Variants in ETS1 observed in about 807,000 individuals in gnomAD.
ETS1 encodes protein C-ets-1.
In ETS1, 15 loss-of-function variants were observed where a neutral mutation model predicts 58.6. That is an observed-to-expected ratio of 0.26 (90% CI 0.17 to 0.39). ETS1 has a LOEUF of 0.39. Ranked by LOEUF, ETS1 falls within the 10% of genes least tolerant of loss-of-function variation. The pLI, the probability that ETS1 is intolerant of heterozygous loss-of-function variation, is 1.00. For missense variants in ETS1, 417 were observed against 610.5 expected, an observed-to-expected ratio of 0.68 and a Z score of 3.34; for synonymous variants, 214 against 218.2, an observed-to-expected ratio of 0.98 and a Z score of 0.17.
chr11:128,493,752 G>T (rs555527349), intron 3 of ETS1, among the ~76,000 whole-genome samples: 21 of 152,306 alleles, frequency 1.4e-4, no homozygotes, highest in African/African-American at 5.1e-4. Context: ...GTGAACAGTT[G>T]GCAAAGATTG....
rs377283471 is a variant in ETS1 at position 128,512,264 on chromosome 11, C to T, written c.215-21688G>A. Among the ~76,000 whole-genome samples, 107 of 152,136 alleles carry T rather than the reference C, an allele frequency of 7.0e-4. 1 individual carries two copies. The South Asian group carries it at 0.016, about 22-fold the overall frequency. ...AATGAGGATACTGGCACAAAGTTTG[C>T]GCCCAATAACTATCAGAAAATAAAC... On this transcript the variant is annotated intron_variant, in intron 3 of 9. Transcript: ENST00000392668.
At chr11:128,506,390 G>A (rs564198987) in intron 3 of ETS1, among the ~76,000 whole-genome samples, 4 of 152,328 alleles carry the variant, frequency 2.6e-5, no homozygotes, top group African/African-American at 9.6e-5. Flanking sequence ...CTCAGGCAGA[G>A]TTTCCCTCTA....
intron 3 of ETS1, among the ~76,000 whole-genome samples, chr11:128,543,584 T>C (rs527924114): frequency 3.3e-5 from 5 of 152,306 alleles, no homozygotes; most frequent in Non-Finnish European, 5.9e-5. Flanking sequence ...TGCCTCCTTT[T>C]TGTCTCTCTC....
At chr11:128,484,698 A>G (rs1196412818) in intron 7 of ETS1, 125 bp downstream of exon 7, 2 of 827,130 alleles carry the variant, frequency 2.4e-6, no homozygotes, top group Admixed American at 5.3e-5. Context: ...CTAAGATGGG[A>G]AGGCTGAAAC....
intron 3 of ETS1, among the ~76,000 whole-genome samples, chr11:128,502,000 T>TG (rs1385950623): frequency 6.7e-6 from 1 of 149,668 alleles, no homozygotes; most frequent in African/African-American, 2.5e-5. Context: ...AGAAAGGGGG[T>TG]GGGGTGGAGA....
chr11:128,527,361 AGCAGTTTAGACACGTATTCCTCTT>A (rs1225032546), intron 3 of ETS1: 2 of 173,552 alleles, frequency 1.2e-5, no homozygotes, highest in Admixed American at 1.1e-4. Context: ...TTTAAAATCC[AGCAGTTTAGACACGTATTCCTCTT>A]GCAGCAAATC....
intron 7 of ETS1, among the ~76,000 whole-genome samples, chr11:128,481,239 G>C (rs988829917): frequency 2.6e-5 from 4 of 152,092 alleles, no homozygotes; most frequent in African/African-American, 9.7e-5. Flanking sequence ...GTTTATTAAA[G>C]AGTTAAGGTC....
intron 1 of ETS1, among the ~76,000 whole-genome samples, 192 bp from the exon 2 acceptor site, chr11:128,573,336 C>T (rs1167399877): frequency 6.6e-6 from 1 of 152,192 alleles, no homozygotes; most frequent in Non-Finnish European, 1.5e-5. Flanking sequence ...TAAGAGCAGA[C>T]CTCAGACAGA....
intron 2 of ETS1, among the ~76,000 whole-genome samples, chr11:128,566,710 G>C (rs1591667539): frequency 6.6e-6 from 1 of 152,098 alleles, no homozygotes; most frequent in Middle Eastern, 3.4e-3. Context: ...GTGAATCTGG[G>C]GGGCAGAGCC....
At chr11:128,471,995 G>A (rs1862200150) in intron 8 of ETS1, among the ~76,000 whole-genome samples, 2 of 152,172 alleles carry the variant, frequency 1.3e-5, no homozygotes, top group Admixed American at 6.5e-5. Context: ...TTTGCACACC[G>A]AATTTTGTAA....
intron 3 of ETS1, among the ~76,000 whole-genome samples, chr11:128,502,870 C>T (rs1401930623): frequency 1.3e-5 from 2 of 152,176 alleles, no homozygotes; most frequent in African/African-American, 2.4e-5. Context: ...AGGCCGTGAG[C>T]CCCTGCAGGC....
intron 2 of ETS1, among the ~76,000 whole-genome samples, chr11:128,565,898 G>T (rs1235472229): frequency 6.6e-6 from 1 of 152,192 alleles, no homozygotes; most frequent in Non-Finnish European, 1.5e-5. Context: ...GAAGTGCAGG[G>T]ACAGCAGAGT....
intron 3 of ETS1, among the ~76,000 whole-genome samples, chr11:128,546,121 A>T (rs1040030351): frequency 6.6e-6 from 1 of 152,248 alleles, no homozygotes; most frequent in African/African-American, 2.4e-5. Context: ...TATTGACCAA[A>T]GATGAAAATG....
intron 3 of ETS1, among the ~76,000 whole-genome samples, chr11:128,493,491 G>T (rs1007877478): frequency 6.6e-6 from 1 of 152,210 alleles, no homozygotes; most frequent in Non-Finnish European, 1.5e-5. Context: ...CATCAGAGGT[G>T]CCTGGCTCTG....
At position 128,496,631 on chromosome 11, in the gene ETS1, T is replaced by C. The variant is rs11221330; in HGVS notation, c.215-6055A>G. Among the ~76,000 whole-genome samples, 718 of 152,268 alleles carry C rather than the reference T, an allele frequency of 4.7e-3. 4 individuals carry two copies. The highest frequency in any genetic ancestry group is 0.016 in the African/African-American group (674 of 41,540). On this transcript the variant is annotated intron_variant, in intron 3 of 9. Coordinates refer to ENST00000392668, the MANE Select transcript of ETS1 (RefSeq NM_001143820.2). The stretch of plus-strand genomic sequence containing the variant: ...TCACTGGTCTACAAGAGGATTCTCC[T>C]GATAAAAAAGCTAATGATCTCAGAA...
At chr11:128,534,097 T>C (rs1458201478) in intron 3 of ETS1, among the ~76,000 whole-genome samples, 1 of 152,228 alleles carries the variant, frequency 6.6e-6, no homozygotes, top group African/African-American at 2.4e-5. Context: ...CATGCACACA[T>C]GTTTACACAT....
chr11:128,485,220 C>T (rs568709759), intron 6 of ETS1, 149 bp from the exon 7 acceptor site: 2 of 650,594 alleles, frequency 3.1e-6, no homozygotes, highest in East Asian at 2.8e-5. Context: ...CATTTTTAAC[C>T]TTGTCCACTA....
At chr11:128,580,230 G>A (rs1864838947) in intron 1 of ETS1, among the ~76,000 whole-genome samples, 1 of 146,280 alleles carries the variant, frequency 6.8e-6, no homozygotes, top group African/African-American at 2.5e-5. Context: ...GTCCTTGTGT[G>A]ACCCTGAGGT....
In ETS1 at chr11:128,464,142, CAAGGA is replaced by C. The variant is rs1861971891; in HGVS notation, c.1124-520_1124-516del. On this transcript the variant is annotated intron_variant, in intron 8 of 9. Transcript: ENST00000392668. This position sits in a 1 kb window ranked among gnomAD's most constrained non-coding sequence, Gnocchi z 4.1. ...GGATCACTATCCTCCGGCCCTCTTA[CAAGGA>C]AATAGATGTTAAATATCTGTTCAGT... is the stretch of plus-strand genomic sequence containing the variant. Among the ~76,000 whole-genome samples the C allele has an allele frequency of 6.6e-6, 1 of 150,482 alleles. No individual in the cohort carries two copies. Among genetic ancestry groups the C allele is most frequent in the Non-Finnish European group, 1.5e-5 (1 of 67,812 alleles).
Sources: gnomAD v4.1 joint callset for allele counts (sites outside exome capture counted in the v4.1 genomes callset) on GRCh38, gnomAD v4.1.1 for gene constraint, Gnocchi (gnomAD v3.1) non-coding constraint, MANE v1.5 for transcripts, NCBI Gene and HGNC (gene_info 2026-07-23, HGNC 2026-07-21) for gene names.